The following KDM4C variants were observed in gnomAD, a reference collection of about 807,000 sequenced individuals.
KDM4C encodes the protein lysine-specific demethylase 4C.
In KDM4C, 81 loss-of-function variants were observed where a neutral mutation model predicts 129.3. That is an observed-to-expected ratio of 0.63 (90% confidence interval 0.52 to 0.75). The LOEUF is 0.75. KDM4C is among the 30% of genes least tolerant of loss of function. The probability of loss-of-function intolerance (pLI) is 0.00; values close to 1 mark genes in which losing one functional copy is unlikely to be tolerated. For missense variants in KDM4C, 1,457 were observed against 1,304.0 expected, an observed-to-expected ratio of 1.12 and a Z score of -1.81; for synonymous variants, 573 against 456.1, an observed-to-expected ratio of 1.26 and a Z score of -3.26.
intron 17 of KDM4C, among the ~76,000 whole-genome samples, chr9:7,074,107 A>G (rs1417151889): frequency 6.6e-6 from 1 of 152,168 alleles, no homozygotes; most frequent in Non-Finnish European, 1.5e-5. Flanking sequence ...ATAGAGAAAA[A>G]GGATGTCAGT....
rs370665891 is a variant in KDM4C, at chr9:6,949,134, C to T, written c.922-31791C>T. 3.4e-3 allele frequency among the ~76,000 whole-genome samples: 509 copies of T among 147,752 alleles called. 1 individual carries two copies. Among genetic ancestry groups the T allele is most frequent in the African/African-American group, 0.011 (452 of 39,746 alleles). Reference sequence around the variant, plus strand: ...GACGCTCCTCACTTCCCAGACGGGGCGGCTGCTGGGCGGAGGGGCTCCTCA... The same window carrying T: ...GACGCTCCTCACTTCCCAGACGGGGTGGCTGCTGGGCGGAGGGGCTCCTCA... On this transcript the variant is annotated intron_variant, in intron 8 of 21. Transcript: ENST00000381309.
chr9:7,137,085 A>G (rs1841290952), intron 19 of KDM4C, among the ~76,000 whole-genome samples: 1 of 152,182 alleles, frequency 6.6e-6, no homozygotes, highest in Non-Finnish European at 1.5e-5. Context: ...CTTTGAAACC[A>G]CTGGTTCAGG....
At chr9:6,857,354 A>G (rs1840047491) in intron 5 of KDM4C, among the ~76,000 whole-genome samples, 1 of 152,260 alleles carries the variant, frequency 6.6e-6, no homozygotes, top group South Asian at 2.1e-4. Flanking sequence ...AAATATACCA[A>G]AAAGTATGGT....
chr9:6,939,388 C>T (rs1055515474), intron 8 of KDM4C, among the ~76,000 whole-genome samples: 46 of 151,974 alleles, frequency 3.0e-4, no homozygotes, highest in African/African-American at 9.2e-4. Flanking sequence ...AGCTCAGGGC[C>T]GCCACTGATT....
chr9:6,752,485 AC>A (rs1473433958), intron 1 of KDM4C, among the ~76,000 whole-genome samples: 1 of 144,024 alleles, frequency 6.9e-6, no homozygotes, highest in East Asian at 2.1e-4. Flanking sequence ...ATCTCGGCTT[AC>A]TGCAATCTCC....
At chr9:6,960,657 C>T (rs941934602) in intron 8 of KDM4C, among the ~76,000 whole-genome samples, 1 of 152,132 alleles carries the variant, frequency 6.6e-6, no homozygotes, top group South Asian at 2.1e-4. Flanking sequence ...AAGATGATTT[C>T]ACACTGACAC....
intron 5 of KDM4C, among the ~76,000 whole-genome samples, chr9:6,874,820 C>T (rs1312103116): frequency 6.6e-6 from 1 of 151,748 alleles, no homozygotes; most frequent in Non-Finnish European, 1.5e-5. Flanking sequence ...GCACAGTGGC[C>T]TGTGGTGGCC....
chr9:6,845,544 C>T (rs964120373), intron 4 of KDM4C, among the ~76,000 whole-genome samples: 1 of 152,132 alleles, frequency 6.6e-6, no homozygotes, highest in East Asian at 1.9e-4. Context: ...CTGTCTGATT[C>T]CTGATAGGAG....
intron 15 of KDM4C, among the ~76,000 whole-genome samples, chr9:7,038,418 A>G (rs1045040340): frequency 1.3e-5 from 2 of 152,100 alleles, no homozygotes; most frequent in African/African-American, 4.8e-5. Flanking sequence ...TGATATCACA[A>G]TTTATTTAAC....
chr9:6,986,656 A>T lies in KDM4C; in HGVS notation c.1667A>T (p.Lys556Ile). ...AVPSGERNSFKVPSIAEGENK... is the reference protein window; with the variant it reads ...AVPSGERNSFIVPSIAEGENK... Reference sequence around the variant, plus strand: ...CCCAGTGGAGAGAGAAATAGCTTCAAAGTCCCCAGTGTATGTGGCAATATC... The same window carrying T: ...CCCAGTGGAGAGAGAAATAGCTTCATAGTCCCCAGTGTATGTGGCAATATC... Residue 556 changes from lysine (K) to isoleucine (I), a missense_variant, in exon 11 of 22, where the codon AAA (lysine) becomes ATA (isoleucine). By Grantham distance (102) the Lys-to-Ile change is moderately radical. Coordinates refer to ENST00000381309, the MANE Select transcript of KDM4C (RefSeq NM_015061.6). The T allele has an allele frequency of 6.2e-7, 1 of 1,605,872 alleles. No individual in the cohort carries two copies. The highest frequency in any genetic ancestry group is 8.5e-7 in the Non-Finnish European group (1 of 1,173,946).
intron 12 of KDM4C, among the ~76,000 whole-genome samples, chr9:7,009,427 G>A (rs563101630): frequency 8.3e-4 from 127 of 152,256 alleles, no homozygotes; most frequent in Middle Eastern, 6.8e-3. Flanking sequence ...TTGAACTTTA[G>A]TGTGTACAGA....
chr9:6,841,512 G>T (rs987090201), intron 4 of KDM4C, among the ~76,000 whole-genome samples: 2 of 152,150 alleles, frequency 1.3e-5, no homozygotes, highest in African/African-American at 2.4e-5. Context: ...AATATGATTA[G>T]TAATAATCGT....
At chr9:6,726,211 A>G (rs1817122651) in intron 1 of KDM4C, among the ~76,000 whole-genome samples, 1 of 152,222 alleles carries the variant, frequency 6.6e-6, no homozygotes, top group Non-Finnish European at 1.5e-5. Flanking sequence ...GGCGTGAGCC[A>G]CCACAACCGG....
intron 8 of KDM4C, among the ~76,000 whole-genome samples, chr9:6,970,090 T>C (rs1296300089): frequency 6.6e-6 from 1 of 152,208 alleles, no homozygotes; most frequent in Non-Finnish European, 1.5e-5. Context: ...ATGCCTGAGT[T>C]TGGGGGACAA....
chr9:7,022,643 T>G (rs1039379575), intron 15 of KDM4C, among the ~76,000 whole-genome samples: 5 of 151,404 alleles, frequency 3.3e-5, no homozygotes, highest in African/African-American at 1.2e-4. Context: ...ATTTCTTTTT[T>G]TTTTTTTTGT....
intron 4 of KDM4C, among the ~76,000 whole-genome samples, chr9:6,827,584 T>G (rs1297277484): frequency 6.6e-6 from 1 of 152,226 alleles, no homozygotes; most frequent in Non-Finnish European, 1.5e-5. Flanking sequence ...GGCTGTGGGT[T>G]TCCAAATGAG....
At chr9:6,881,434 T>G (rs1433858226) in intron 6 of KDM4C, among the ~76,000 whole-genome samples, 1 of 152,196 alleles carries the variant, frequency 6.6e-6, no homozygotes, top group Non-Finnish European at 1.5e-5. Context: ...ATAAGATGAT[T>G]ACTGTAACAC....
intron 15 of KDM4C, among the ~76,000 whole-genome samples, chr9:7,024,150 G>C (rs1206810375): frequency 2.6e-5 from 4 of 152,078 alleles, no homozygotes; most frequent in Admixed American, 2.6e-4. Flanking sequence ...GGTCGATTTG[G>C]TCTGTAGTGT....
chr9:6,791,793 C>T (rs886169108), intron 1 of KDM4C, among the ~76,000 whole-genome samples: 5 of 152,108 alleles, frequency 3.3e-5, no homozygotes, highest in South Asian at 4.1e-4. Context: ...GAGGCCAAGG[C>T]GGGTGGATCA....
Sources: allele counts gnomAD v4.1 joint callset (sites outside exome capture counted in the v4.1 genomes callset), GRCh38; gene constraint gnomAD v4.1.1; transcripts MANE v1.5; gene names NCBI Gene and HGNC (gene_info 2026-07-23, HGNC 2026-07-21).